DLG2: variants seen among roughly 807,000 people sequenced by gnomAD.
DLG2 encodes discs large MAGUK scaffold protein 2, also known as disks large homolog 2.
In DLG2, 45 loss-of-function variants were observed where a neutral mutation model predicts 132.5. That is an observed-to-expected ratio of 0.34 (90% CI 0.27 to 0.44). The LOEUF (loss-of-function observed/expected upper bound fraction) is 0.44, where lower values mean the gene tolerates loss of function less well. DLG2 is among the 20% of genes least tolerant of loss of function. DLG2 has a pLI of 1.00. For missense variants in DLG2, 1,045 were observed against 1,196.9 expected, an observed-to-expected ratio of 0.87 and a Z score of 1.87; for synonymous variants, 424 against 419.6, an observed-to-expected ratio of 1.01 and a Z score of -0.13.
chr11:84,265,653 T>C (rs575644625), intron 7 of DLG2, among the ~76,000 whole-genome samples: 2 of 152,266 alleles, frequency 1.3e-5, no homozygotes, highest in South Asian at 4.1e-4. Context: ...TTTATACTAC[T>C]TTGAAAATTG....
intron 6 of DLG2, among the ~76,000 whole-genome samples, chr11:84,887,674 G>A (rs1406396239): frequency 6.6e-6 from 1 of 152,046 alleles, no homozygotes; most frequent in Non-Finnish European, 1.5e-5. Flanking sequence ...ACTTTATCAA[G>A]TACCACCTTT....
chr11:84,457,311 G>A (rs2099067974), intron 7 of DLG2, among the ~76,000 whole-genome samples: 1 of 151,066 alleles, frequency 6.6e-6, no homozygotes, highest in South Asian at 2.1e-4. Flanking sequence ...ACTTCAGGGA[G>A]TTGACAGTCT....
intron 8 of DLG2, among the ~76,000 whole-genome samples, chr11:84,220,009 T>C (rs2096891902): frequency 6.6e-6 from 1 of 152,172 alleles, no homozygotes; most frequent in African/African-American, 2.4e-5. Context: ...TACTTACATA[T>C]CTAAATTTTA....
intron 9 of DLG2, among the ~76,000 whole-genome samples, chr11:84,133,488 G>C (rs1389332974): frequency 6.6e-6 from 1 of 152,026 alleles, no homozygotes; most frequent in Non-Finnish European, 1.5e-5. Context: ...TTTTAGGTTA[G>C]AGTTGGTTCC....
intron 7 of DLG2, among the ~76,000 whole-genome samples, chr11:84,521,143 A>T (rs1220878302): frequency 6.6e-6 from 1 of 152,242 alleles, no homozygotes; most frequent in Non-Finnish European, 1.5e-5. Context: ...TCTGATGCAC[A>T]CAGTTTAGTT....
At chr11:83,565,125 A>G (rs683250) in intron 19 of DLG2, among the ~76,000 whole-genome samples, 59,970 of 151,902 alleles carry the variant, frequency 0.39, 12,142 homozygotes, top group Admixed American at 0.5. Context: ...TTGTATTTCT[A>G]TAATTTGACT....
chr11:85,624,523 A>C (rs1441654242), intron 2 of DLG2, among the ~76,000 whole-genome samples: 1 of 152,232 alleles, frequency 6.6e-6, no homozygotes. Context: ...ACTCAAGGTG[A>C]CAGAGGACAG....
At chr11:84,309,105 T>C (rs2098262245) in intron 7 of DLG2, among the ~76,000 whole-genome samples, 1 of 152,158 alleles carries the variant, frequency 6.6e-6, no homozygotes, top group Non-Finnish European at 1.5e-5. Context: ...CTCTCATTAC[T>C]ACCAGGTTAA....
At chr11:84,317,808 T>C (rs1257576308) in intron 7 of DLG2, among the ~76,000 whole-genome samples, 1 of 152,168 alleles carries the variant, frequency 6.6e-6, no homozygotes, top group East Asian at 1.9e-4. Context: ...ATAAATTCAT[T>C]TGGAAAAATC....
intron 23 of DLG2, 54 bp downstream of exon 23, chr11:83,472,673 A>C: frequency 6.7e-7 from 1 of 1,498,092 alleles, no homozygotes; most frequent in Non-Finnish European, 9.2e-7. Flanking sequence ...TCCTTCAATG[A>C]TGTCACCTCT....
chr11:85,251,065 G>C (rs2076372992), intron 4 of DLG2, among the ~76,000 whole-genome samples: 1 of 152,110 alleles, frequency 6.6e-6, no homozygotes, highest in East Asian at 1.9e-4. Flanking sequence ...TCAACAGTAA[G>C]GTTGTTAGCA....
intron 19 of DLG2, among the ~76,000 whole-genome samples, chr11:83,592,384 C>A (rs1250783485): frequency 6.8e-6 from 1 of 147,756 alleles, no homozygotes; most frequent in South Asian, 2.2e-4. Flanking sequence ...GAAAAACAAG[C>A]AATGGGGAAA....
intron 7 of DLG2, among the ~76,000 whole-genome samples, chr11:84,383,203 T>C (rs2098755054): frequency 1.3e-5 from 2 of 152,104 alleles, no homozygotes. Context: ...TTAGCATGGT[T>C]CATTTTCCTA....
chr11:84,879,527 G>T (rs908652081), intron 6 of DLG2, among the ~76,000 whole-genome samples: 1 of 152,120 alleles, frequency 6.6e-6, no homozygotes, highest in African/African-American at 2.4e-5. Context: ...GTATTCCAAT[G>T]ATGAAGATGT....
chr11:83,460,740 A>T (rs1055561474), intron 27 of DLG2, among the ~76,000 whole-genome samples: 2 of 152,226 alleles, frequency 1.3e-5, no homozygotes, highest in Admixed American at 6.5e-5. Context: ...ATATTTAAAA[A>T]CAATCCTCAG....
rs190439917 is a variant in DLG2 at position 85,163,751 on chromosome 11, G to T, written c.187-9100C>A. On this transcript the variant is annotated intron_variant, in intron 4 of 27. Transcript: ENST00000376104. Reference sequence around the variant, plus strand: ...GAGATAGTGCCACCCATTGAATAGGGTCTTCTTCCACCTTACTAACCACCC... The same window carrying T: ...GAGATAGTGCCACCCATTGAATAGGTTCTTCTTCCACCTTACTAACCACCC... 2.6e-3 allele frequency among the ~76,000 whole-genome samples: 393 copies of T among 152,266 alleles called. 6 individuals carry two copies. The highest frequency in any genetic ancestry group is 9.9e-3 in the Admixed American group (151 of 15,292).
intron 16 of DLG2, among the ~76,000 whole-genome samples, chr11:83,861,725 G>A (rs2061490685): frequency 6.6e-6 from 1 of 152,278 alleles, no homozygotes; most frequent in South Asian, 2.1e-4. Context: ...AGGCTGGAAA[G>A]GTAGTGGTGG....
chr11:83,874,433 C>A lies in DLG2; in HGVS notation c.1552G>T (p.Val518Phe), dbSNP rs200531656. The change falls in exon 16 of 28, where the codon GTC (valine) becomes TTC (phenylalanine). Residue 518 changes from valine (V) to phenylalanine (F), a missense_variant. Physicochemically the swap from Val to Phe is conservative, Grantham distance 50. This residue lies in a region of DLG2 where 261 missense variants were observed against 256.1 expected (regional missense o/e 1.02). Transcript: ENST00000376104. ...TTATTATCTTACCCTTCCAGGGAGACGGCCCGTTGGAGAGTCATTGAAGGC... is the reference window on the plus strand; with the variant it reads ...TTATTATCTTACCCTTCCAGGGAGAAGGCCCGTTGGAGAGTCATTGAAGGC... Reference protein sequence around the residue: ...RQPSMTLQRAVSLEGEPRKVV... With the variant: ...RQPSMTLQRAFSLEGEPRKVV... 6.3e-7 allele frequency: 1 copy of A among 1,597,898 alleles called. No homozygotes were observed. The highest frequency in any genetic ancestry group is 8.5e-7 in the Non-Finnish European group (1 of 1,170,276).
chr11:84,144,084 C>A (rs545196426), intron 9 of DLG2, among the ~76,000 whole-genome samples: 2 of 152,084 alleles, frequency 1.3e-5, no homozygotes, highest in South Asian at 4.2e-4. Flanking sequence ...GAAGTTGGGG[C>A]CCTATGCAGT....
Sources: allele counts gnomAD v4.1 joint callset (sites outside exome capture counted in the v4.1 genomes callset), GRCh38; gene constraint gnomAD v4.1.1; regional missense constraint gnomAD v4.1.1; transcripts MANE v1.5; gene names NCBI Gene and HGNC (gene_info 2026-07-23, HGNC 2026-07-21).